Variants in PTPN9 observed in about 807,000 individuals in gnomAD.
PTPN9 encodes tyrosine-protein phosphatase non-receptor type 9.
In PTPN9, 26 loss-of-function variants were observed where a neutral mutation model predicts 69.8. The observed-to-expected ratio is 0.37, with a 90% CI of 0.27 to 0.52. The LOEUF (loss-of-function observed/expected upper bound fraction) is 0.52. Among genes scored for constraint, PTPN9 ranks in the 20% least tolerant of loss-of-function variants. The pLI is 0.91. For missense variants in PTPN9, 549 were observed against 740.3 expected (o/e 0.74, Z 3.00); for synonymous variants, 274 against 272.5 (o/e 1.01, Z -0.05).
At chr15:75,503,389 C>T (rs1331098003) in intron 7 of PTPN9, among the ~76,000 whole-genome samples, 50 of 141,724 alleles carry the variant, frequency 3.5e-4, no homozygotes, top group Admixed American at 2.4e-3. Context: ...GTGAGGAGAC[C>T]CTCCGCCCAG....
chr15:75,525,553 A>G (rs2074923743), intron 2 of PTPN9, among the ~76,000 whole-genome samples: 1 of 151,724 alleles, frequency 6.6e-6, no homozygotes, highest in Non-Finnish European at 1.5e-5. Flanking sequence ...TTCCGGAGAC[A>G]TTCTCTACCT....
At chr15:75,553,306 T>G (rs182928549) in intron 1 of PTPN9, among the ~76,000 whole-genome samples, 1 of 152,190 alleles carries the variant, frequency 6.6e-6, no homozygotes, top group Non-Finnish European at 1.5e-5. Context: ...AACAGCTTGC[T>G]AAGACTGCCA....
At position 75,465,064 on chromosome 15, in the gene PTPN9, T is replaced by A. The variant is rs953169523; in HGVS notation, c.*3705A>T. 1.3e-5 allele frequency: 2 copies of A among 152,210 alleles called. No individual in the cohort carries two copies. Among genetic ancestry groups the A allele is most frequent in the African/African-American group, 4.8e-5 (2 of 41,464 alleles). 9.4% of individuals were successfully genotyped at this position (152,210 alleles called of 1,614,324 possible). A position where few individuals can be genotyped will look rare whatever the true frequency, so the allele number is the denominator to read the frequency against. On this transcript the variant is annotated 3_prime_UTR_variant, in exon 13 of 13. Coordinates refer to ENST00000618819, the MANE Select transcript of PTPN9 (RefSeq NM_002833.4). ...ATCAGAAGCAGAAGCCTGCTTTAGC[T>A]CAGTGTTTTCTTCTTTCCTGAACAC...
chr15:75,575,816 G>A (rs995301975), intron 1 of PTPN9, among the ~76,000 whole-genome samples: 1 of 151,444 alleles, frequency 6.6e-6, no homozygotes, highest in African/African-American at 2.4e-5. Context: ...CTACTCGGGA[G>A]GCTGAGACAG....
intron 1 of PTPN9, among the ~76,000 whole-genome samples, chr15:75,569,063 G>A (rs1432654284): frequency 1.3e-5 from 2 of 152,134 alleles, no homozygotes; most frequent in African/African-American, 2.4e-5. Context: ...CCAAGATCTC[G>A]CATGGAGGTG....
At position 75,464,392 on chromosome 15, in the gene PTPN9, ACT is replaced by A. The variant is rs1301327302; in HGVS notation, c.*4375_*4376del. The A allele has an allele frequency of 1.3e-5, 2 of 151,970 alleles. No individual in the cohort carries two copies. The highest frequency in any genetic ancestry group is 4.8e-5 in the African/African-American group (2 of 41,348). 9.4% of individuals were successfully genotyped at this position (151,970 alleles called of 1,614,324 possible). A position where few individuals can be genotyped will look rare whatever the true frequency, so the allele number is the denominator to read the frequency against. Reference sequence around the variant, plus strand: ...CCTCTAACCTAGGCAACAGAGTGAGACTCTGTCTCTGAAAGTAAAAAAAATGA... The same window carrying A: ...CCTCTAACCTAGGCAACAGAGTGAGACTGTCTCTGAAAGTAAAAAAAATGA... On this transcript the variant is annotated 3_prime_UTR_variant, in exon 13 of 13. Coordinates refer to ENST00000618819, the MANE Select transcript of PTPN9 (RefSeq NM_002833.4).
At chr15:75,511,685 A>G (rs1446447644) in intron 5 of PTPN9, among the ~76,000 whole-genome samples, 2 of 152,110 alleles carry the variant, frequency 1.3e-5, no homozygotes, top group Non-Finnish European at 2.9e-5. Flanking sequence ...TCTTTCCCCA[A>G]CTTAGACTTT....
At chr15:75,567,611 A>G (rs2075131793) in intron 1 of PTPN9, among the ~76,000 whole-genome samples, 1 of 152,190 alleles carries the variant, frequency 6.6e-6, no homozygotes, top group African/African-American at 2.4e-5. Context: ...TACACTGAAA[A>G]AAGTGACAAG....
intron 7 of PTPN9, among the ~76,000 whole-genome samples, chr15:75,504,830 C>A (rs1207794514): frequency 7.7e-6 from 1 of 129,666 alleles, no homozygotes; most frequent in Non-Finnish European, 1.6e-5. Flanking sequence ...GGCCAGCCGC[C>A]CCGTCCGGGA....
At chr15:75,523,087 T>C (rs369409784) in intron 4 of PTPN9, 34 bp downstream of exon 4, 11 of 1,603,704 alleles carry the variant, frequency 6.9e-6, no homozygotes, top group Non-Finnish European at 8.5e-6. Flanking sequence ...CCTACCTGCA[T>C]GTAGAATACC....
At chr15:75,518,467 A>T (rs1008332931) in intron 4 of PTPN9, among the ~76,000 whole-genome samples, 16 of 61,018 alleles carry the variant, frequency 2.6e-4, no homozygotes, top group Admixed American at 1.1e-3. Context: ...GACTCTATTT[A>T]AAAAAAAAAA....
Position 75,546,434 on chromosome 15 carries a change from G to A in PTPN9, c.64-19173C>T, listed in dbSNP as rs190332069. ...CGAGGCGGGCAGATCACGAGGTCAG[G>A]AGTTCAAGACCAGCCTGGCTAACAT... is the stretch of plus-strand genomic sequence containing the variant. On this transcript the variant is annotated intron_variant, in intron 1 of 12. Transcript: ENST00000618819. Among the ~76,000 whole-genome samples the A allele has an allele frequency of 3.8e-3, 574 of 152,142 alleles. 4 individuals carry two copies. Among genetic ancestry groups the A allele is most frequent in the African/African-American group, 0.012 (504 of 41,486 alleles).
intron 10 of PTPN9, 120 bp downstream of exon 10, chr15:75,473,569 C>T (rs768143300): frequency 2.0e-5 from 17 of 852,314 alleles, no homozygotes; most frequent in Middle Eastern, 2.4e-4. Context: ...GGATTACAGG[C>T]GTGAGCCACC....
chr15:75,564,000 C>T (rs2075115661), intron 1 of PTPN9, among the ~76,000 whole-genome samples: 1 of 151,538 alleles, frequency 6.6e-6, no homozygotes, highest in South Asian at 2.1e-4. Flanking sequence ...AGAGACACTT[C>T]AGGGCAACAC....
At chr15:75,556,169 A>G (rs2075076249) in intron 1 of PTPN9, among the ~76,000 whole-genome samples, 1 of 150,658 alleles carries the variant, frequency 6.6e-6, no homozygotes, top group African/African-American at 2.4e-5. Context: ...CGTTCAAGCA[A>G]TTCTCTGCCT....
intron 1 of PTPN9, among the ~76,000 whole-genome samples, chr15:75,571,655 G>A (rs2075148985): frequency 6.6e-6 from 1 of 152,058 alleles, no homozygotes; most frequent in Non-Finnish European, 1.5e-5. Flanking sequence ...CCAGCACTTT[G>A]GGAGGCAGAG....
At chr15:75,552,055 A>G (rs1263054464) in intron 1 of PTPN9, among the ~76,000 whole-genome samples, 1 of 151,406 alleles carries the variant, frequency 6.6e-6, no homozygotes, top group African/African-American at 2.4e-5. Flanking sequence ...AAAAAAAAAG[A>G]AAAAAGAAAA....
At chr15:75,572,949 G>C (rs1162875395) in intron 1 of PTPN9, among the ~76,000 whole-genome samples, 2 of 152,060 alleles carry the variant, frequency 1.3e-5, no homozygotes, top group African/African-American at 4.8e-5. Context: ...AAGGTTTTCT[G>C]TATCTTTTCA....
intron 1 of PTPN9, among the ~76,000 whole-genome samples, chr15:75,575,736 G>T (rs976456624): frequency 6.8e-6 from 1 of 147,774 alleles, no homozygotes; most frequent in African/African-American, 2.5e-5. Context: ...TGGCTAACAT[G>T]GGGAAACCCC....
Sources: gnomAD v4.1 joint callset for allele counts (sites outside exome capture counted in the v4.1 genomes callset) on GRCh38, gnomAD v4.1.1 for gene constraint, MANE v1.5 for transcripts, NCBI Gene and HGNC (gene_info 2026-07-23, HGNC 2026-07-21) for gene names.